The following CUX2 variants were observed in gnomAD, a reference collection of about 807,000 sequenced individuals.
CUX2 encodes homeobox protein cut-like 2.
Under a neutral mutation model 144.8 loss-of-function variants are expected in CUX2, and 40 were observed. The observed-to-expected ratio is 0.28, with a 90% confidence interval of 0.21 to 0.36. The LOEUF is 0.36. CUX2 is among the 10% of genes least tolerant of loss of function. The pLI is 1.00. For synonymous variants in CUX2, 827 were observed against 875.6 expected, an observed-to-expected ratio of 0.94 and a Z score of 0.98; for missense variants, 1,615 against 1,994.0, an observed-to-expected ratio of 0.81 and a Z score of 3.62.
At chr12:111,314,066 A>G (rs1273739307) in intron 16 of CUX2, among the ~76,000 whole-genome samples, 1 of 152,194 alleles carries the variant, frequency 6.6e-6, no homozygotes, top group Non-Finnish European at 1.5e-5. Flanking sequence ...TGAGGGGATA[A>G]GGGATTACCC....
chr12:111,201,009 C>T (rs949769254), intron 1 of CUX2, among the ~76,000 whole-genome samples: 5 of 152,242 alleles, frequency 3.3e-5, no homozygotes, highest in South Asian at 2.1e-4. Flanking sequence ...GTCAGGCACT[C>T]GGCAAAGTCA....
At chr12:111,173,440 T>A (rs1878663145) in intron 1 of CUX2, among the ~76,000 whole-genome samples, 1 of 152,272 alleles carries the variant, frequency 6.6e-6, no homozygotes, top group African/African-American at 2.4e-5. Flanking sequence ...CATGTGCTCA[T>A]GCAACATATA....
In CUX2 at chr12:111,320,556, G is replaced by C. The variant is rs1186742017; in HGVS notation, c.2547G>C (p.Thr849=). The change falls in exon 17 of 22, where the codon ACG becomes ACC. Residue 849 remains threonine, a synonymous_variant. Coordinates refer to ENST00000261726, the MANE Select transcript of CUX2 (RefSeq NM_015267.4). This position sits in a 1 kb window ranked among gnomAD's most constrained non-coding sequence, Gnocchi z 8.1. ...GGGCGGAGGACGAACCCCCCAGGAC[G>C]GGCGAGCTCAAGGCTGAGGGCGCGA... ...AAGAEDEPPR[T]GELKAEGATA... The C allele has an allele frequency of 8.5e-6, 13 of 1,534,960 alleles. No homozygotes were observed. Among genetic ancestry groups the C allele is most frequent in the African/African-American group, 1.4e-5 (1 of 71,868 alleles).
intron 1 of CUX2, among the ~76,000 whole-genome samples, chr12:111,202,387 T>C (rs1214053228): frequency 6.6e-6 from 1 of 152,006 alleles, no homozygotes; most frequent in Non-Finnish European, 1.5e-5. Flanking sequence ...GTGGCTCTGG[T>C]TTTCGGGGCT....
Position 111,322,075 on chromosome 12 carries a change from T to G in CUX2, c.2767-346T>G, listed in dbSNP as rs1202829772. On this transcript the variant is annotated intron_variant, in intron 17 of 21. Coordinates refer to ENST00000261726, the MANE Select transcript of CUX2 (RefSeq NM_015267.4). This position sits in a 1 kb window ranked among gnomAD's most constrained non-coding sequence, Gnocchi z 4.2. The stretch of plus-strand genomic sequence containing the variant: ...GCTCACACCTATAATCCCAACACTG[T>G]GGGAGGCTGAGTTGGGTGGATCACT... Among the ~76,000 whole-genome samples, 6 of 151,700 alleles carry G rather than the reference T, an allele frequency of 4.0e-5. No homozygotes were observed. Among genetic ancestry groups the G allele is most frequent in the African/African-American group, 1.5e-4 (6 of 41,274 alleles).
intron 1 of CUX2, among the ~76,000 whole-genome samples, chr12:111,176,239 G>A (rs1878851599): frequency 1.3e-5 from 2 of 151,406 alleles, no homozygotes; most frequent in African/African-American, 4.9e-5. Flanking sequence ...TAGAAACAGG[G>A]TCTCACTATA....
rs1015807075 is a variant in CUX2 at position 111,068,764 on chromosome 12, C to A, written c.63+34524C>A. On this transcript the variant is annotated intron_variant, in intron 1 of 21. Transcript: ENST00000261726. This position sits in a 1 kb window ranked among gnomAD's most constrained non-coding sequence, Gnocchi z 4.9. Reference sequence around the variant, plus strand: ...GAGAGGAGACGGGGTGCCGGTAATGCCCCCATGGCCCTCCTGTTGGACAGG... The same window carrying A: ...GAGAGGAGACGGGGTGCCGGTAATGACCCCATGGCCCTCCTGTTGGACAGG... 2.0e-5 allele frequency among the ~76,000 whole-genome samples: 3 copies of A among 152,172 alleles called. No individual in the cohort carries two copies. Among genetic ancestry groups the A allele is most frequent in the Non-Finnish European group, 4.4e-5 (3 of 68,024 alleles).
At chr12:111,266,924 G>T (rs1884416525) in intron 4 of CUX2, among the ~76,000 whole-genome samples, 1 of 152,184 alleles carries the variant, frequency 6.6e-6, no homozygotes, top group South Asian at 2.1e-4. Context: ...AGCCGCAGGT[G>T]GCGGCTCATG....
intron 1 of CUX2, among the ~76,000 whole-genome samples, chr12:111,065,688 G>C (rs1592860164): frequency 2.0e-5 from 3 of 152,332 alleles, no homozygotes; most frequent in South Asian, 4.1e-4. Flanking sequence ...TTAATGTCCA[G>C]CAGTATTACC....
chr12:111,310,338 C>A lies in CUX2; in HGVS notation c.1556C>A (p.Ala519Asp), dbSNP rs747319551. 2.6e-6 allele frequency: 4 copies of A among 1,537,754 alleles called. No homozygotes were observed. The highest frequency in any genetic ancestry group is 3.5e-6 in the Non-Finnish European group (4 of 1,138,940). Residue 519 changes from alanine (A) to aspartate (D), a missense_variant, in exon 15 of 22, where the codon GCC (alanine) becomes GAC (aspartate). By Grantham distance (126) the Ala-to-Asp change is moderately radical. Transcript: ENST00000261726. The surrounding 1 kb of genome is among the most constrained non-coding windows in gnomAD (Gnocchi z 7.9). ...TTCTATGGCGCCAAGCCCCCCACAG[C>A]CCCTGCCACCCCGGCCCCTGGCCCT... ...PAFYGAKPPT[A>D]PATPAPGPEP...
chr12:111,042,827 G>T (rs1187262435), intron 1 of CUX2, among the ~76,000 whole-genome samples: 2 of 150,474 alleles, frequency 1.3e-5, no homozygotes, highest in Non-Finnish European at 3.0e-5. Context: ...TAGAAGTGGA[G>T]GTCTCACCAT....
At chr12:111,327,750 C>T (rs376298518) in intron 18 of CUX2, among the ~76,000 whole-genome samples, 1 of 152,112 alleles carries the variant, frequency 6.6e-6, no homozygotes, top group Non-Finnish European at 1.5e-5. Context: ...GCGGGGTCCC[C>T]TGCTCTCCCA....
Position 111,034,934 on chromosome 12 carries a change from C to G in CUX2, c.63+694C>G, listed in dbSNP as rs1869352741. The stretch of plus-strand genomic sequence containing the variant: ...GCCGGCAGACCTCTTCTCCTCGGGC[C>G]GGGGTCTTGGGGTTCGTCTTGCTTC... On this transcript the variant is annotated intron_variant, in intron 1 of 21. Transcript: ENST00000261726. The surrounding 1 kb of genome is among the most constrained non-coding windows in gnomAD (Gnocchi z 4.2). Among the ~76,000 whole-genome samples, 1 of 151,798 alleles carries G rather than the reference C, an allele frequency of 6.6e-6. No homozygotes were observed. Among genetic ancestry groups the G allele is most frequent in the African/African-American group, 2.4e-5 (1 of 41,404 alleles).
intron 1 of CUX2, among the ~76,000 whole-genome samples, chr12:111,116,470 T>A (rs1000475539): frequency 7.2e-5 from 11 of 152,316 alleles, no homozygotes; most frequent in African/African-American, 2.2e-4. Flanking sequence ...TACATTTTGA[T>A]CCCAAGTCAA....
At chr12:111,117,993 G>C (rs369206484) in intron 1 of CUX2, among the ~76,000 whole-genome samples, 1 of 152,144 alleles carries the variant, frequency 6.6e-6, no homozygotes, top group Non-Finnish European at 1.5e-5. Flanking sequence ...TTGCCTTACC[G>C]TATTTCCCAG....
At chr12:111,109,868 A>G (rs1482440191) in intron 1 of CUX2, among the ~76,000 whole-genome samples, 1 of 151,752 alleles carries the variant, frequency 6.6e-6, no homozygotes, top group African/African-American at 2.4e-5. Context: ...CCCGATCTCT[A>G]ACAACTTCTT....
intron 2 of CUX2, among the ~76,000 whole-genome samples, chr12:111,216,328 A>G (rs1311347166): frequency 6.6e-6 from 1 of 152,220 alleles, no homozygotes; most frequent in East Asian, 1.9e-4. Context: ...TGTAAACTCA[A>G]GGAACTGAGA....
At chr12:111,331,971 G>T (rs1400237111) in intron 18 of CUX2, among the ~76,000 whole-genome samples, 1 of 151,606 alleles carries the variant, frequency 6.6e-6, no homozygotes, top group Non-Finnish European at 1.5e-5. Context: ...TCCCAGCTAT[G>T]GGGGAGGCTG....
chr12:111,295,556 C>A lies in CUX2; in HGVS notation c.637+147C>A. The stretch of plus-strand genomic sequence containing the variant: ...GGAGTTTGGGAAGAATAATCTTACC[C>A]AGTGGGGGGCTGAGCCTCTATGCCC... On this transcript the variant is annotated intron_variant, in intron 7 of 21. Transcript: ENST00000261726. The surrounding 1 kb of genome is among the most constrained non-coding windows in gnomAD (Gnocchi z 5.0). The A allele has an allele frequency of 3.0e-6, 2 of 656,924 alleles. No individual in the cohort carries two copies. The highest frequency in any genetic ancestry group is 5.1e-6 in the Non-Finnish European group (2 of 394,442). 40.7% of individuals were successfully genotyped at this position (656,924 alleles called of 1,614,324 possible).
Sources: gnomAD v4.1 joint callset for allele counts (sites outside exome capture counted in the v4.1 genomes callset) on GRCh38, gnomAD v4.1.1 for gene constraint, Gnocchi (gnomAD v3.1) non-coding constraint, MANE v1.5 for transcripts, NCBI Gene and HGNC (gene_info 2026-07-23, HGNC 2026-07-21) for gene names.